The following CACNA1I variants were observed in gnomAD, a reference collection of about 807,000 sequenced individuals.
CACNA1I encodes the protein calcium voltage-gated channel subunit alpha1 I.
In CACNA1I, 74 loss-of-function variants were observed where a neutral mutation model predicts 201.6. That is an observed-to-expected ratio of 0.37 (90% CI 0.30 to 0.45). The LOEUF (loss-of-function observed/expected upper bound fraction) is 0.45, where lower values mean the gene tolerates loss of function less well. Ranked by LOEUF, CACNA1I falls within the 20% of genes least tolerant of loss-of-function variation. The probability of loss-of-function intolerance (pLI) is 1.00; values close to 1 mark genes in which losing one functional copy is unlikely to be tolerated. For missense variants in CACNA1I, 2,346 were observed against 3,138.1 expected (o/e 0.75, Z 6.03); for synonymous variants, 1,431 against 1,345.2 (o/e 1.06, Z -1.40).
chr22:39,663,389 G>T (rs1046127699), intron 18 of CACNA1I, among the ~76,000 whole-genome samples: 2 of 152,176 alleles, frequency 1.3e-5, no homozygotes, highest in Non-Finnish European at 2.9e-5. Context: ...TGGTGCAGGG[G>T]CAGGGAGCAG....
At chr22:39,587,801 A>G (rs1932773558) in intron 1 of CACNA1I, 1 of 428,282 alleles carries the variant, frequency 2.3e-6, no homozygotes, top group Non-Finnish European at 4.6e-6. Context: ...TTTGAGACAG[A>G]GTCTTGCTCT....
Position 39,646,947 on chromosome 22 carries a change from C to T in CACNA1I, c.1462+66C>T, listed in dbSNP as rs544519755. On this transcript the variant is annotated intron_variant, in intron 8 of 36. Transcript: ENST00000402142. ...TGCCAAGTGTCACTCCTTTCCAGCA[C>T]GTCCAGCAGGCCCAGCAGCCTCCAA... The T allele has an allele frequency of 1.4e-4, 201 of 1,441,544 alleles. 3 individuals carry two copies. In the South Asian group the frequency reaches 2.4e-3, roughly 17 times the overall value. The allele number at this position is 1,441,544 out of a possible 1,614,324, so 89.3% of individuals were successfully genotyped here. A position where few individuals can be genotyped will look rare whatever the true frequency, so the allele number is the denominator to read the frequency against.
Position 39,664,732 on chromosome 22 carries a change from G to T in CACNA1I, c.3667-7G>T, listed in dbSNP as rs762905379. 2.4e-6 allele frequency: 1 copy of T among 416,920 alleles called. No homozygotes were observed. The highest frequency in any genetic ancestry group is 3.4e-6 in the Non-Finnish European group (1 of 293,166). The allele number at this position is 416,920 out of a possible 1,614,324, so 25.8% of individuals were successfully genotyped here. ...GCAGCCTGACCCCGGCCCCACCCCC[G>T]CCCCAGGTAGTCTCGCTGGGCCTGT... On this transcript the variant is annotated splice_region_variant and splice_polypyrimidine_tract_variant and intron_variant, in intron 20 of 36. Coordinates refer to ENST00000402142, the MANE Select transcript of CACNA1I (RefSeq NM_021096.4).
At chr22:39,673,806 C>T (rs1015109456) in intron 28 of CACNA1I, among the ~76,000 whole-genome samples, 157 bp from the exon 29 acceptor site, 1 of 152,176 alleles carries the variant, frequency 6.6e-6, no homozygotes, top group African/African-American at 2.4e-5. Flanking sequence ...CCTGTGGCTG[C>T]ACCCACATTC....
intron 1 of CACNA1I, among the ~76,000 whole-genome samples, chr22:39,597,010 C>T (rs1932907909): frequency 6.6e-6 from 1 of 152,180 alleles, no homozygotes; most frequent in Non-Finnish European, 1.5e-5. Context: ...AACCTACTCC[C>T]GACTCCAGTC....
At chr22:39,642,007 G>A (rs1159658081) in intron 6 of CACNA1I, among the ~76,000 whole-genome samples, 2 of 152,174 alleles carry the variant, frequency 1.3e-5, no homozygotes, top group Non-Finnish European at 2.9e-5. Flanking sequence ...CAGAAAGAAG[G>A]GGCAGGAGCA....
At chr22:39,661,033 T>A (rs1934989017) in intron 15 of CACNA1I, 75 bp from the exon 16 acceptor site, 2 of 1,177,696 alleles carry the variant, frequency 1.7e-6, no homozygotes, top group Non-Finnish European at 1.2e-6. Context: ...TGTTTGTCTG[T>A]CTCGTGGCTC....
At chr22:39,588,243 C>T (rs1251172466) in intron 1 of CACNA1I, among the ~76,000 whole-genome samples, 1 of 150,696 alleles carries the variant, frequency 6.6e-6, no homozygotes, top group Non-Finnish European at 1.5e-5. Context: ...AGTGATCCTC[C>T]TGCCTCAGCC....
Position 39,619,368 on chromosome 22 carries a change from C to A in CACNA1I, c.541C>A (p.Arg181Ser). Reference sequence around the variant, plus strand: ...CAACCTGTCAGCCATCCGCACCGTGCGCGTCCTGAGGCCCCTCAAAGCCAT... The same window carrying A: ...CAACCTGTCAGCCATCCGCACCGTGAGCGTCCTGAGGCCCCTCAAAGCCAT... ...NINLSAIRTV[R>S]VLRPLKAINR... is the part of the protein sequence containing the mutation. The change falls in exon 4 of 37, where the codon CGC becomes AGC. Residue 181 changes from arginine to serine, a missense_variant. Arg to Ser is a moderately radical substitution (Grantham distance 110). This residue lies in a region of CACNA1I where 227 missense variants were observed against 412.5 expected (regional missense o/e 0.55). Coordinates refer to ENST00000402142, the MANE Select transcript of CACNA1I (RefSeq NM_021096.4). The A allele has an allele frequency of 1.2e-6, 2 of 1,609,584 alleles. No individual in the cohort carries two copies. The highest frequency in any genetic ancestry group is 8.5e-7 in the Non-Finnish European group (1 of 1,179,746).
In CACNA1I at chr22:39,662,224, G is replaced by T. The variant is rs1173030054; in HGVS notation, c.3161G>T (p.Arg1054Leu). 11 of 1,528,616 alleles carry T rather than the reference G, an allele frequency of 7.2e-6. No individual in the cohort carries two copies. The highest frequency in any genetic ancestry group is 9.6e-6 in the Non-Finnish European group (11 of 1,141,784). 94.7% of individuals were successfully genotyped at this position (1,528,616 alleles called of 1,614,324 possible). A position where few individuals can be genotyped will look rare whatever the true frequency, so the allele number is the denominator to read the frequency against. The change falls in exon 17 of 37, where the codon CGC becomes CTC. Residue 1054 changes from arginine to leucine, a missense_variant. Coordinates refer to ENST00000402142, the MANE Select transcript of CACNA1I (RefSeq NM_021096.4). ...CTGGCGCACCGCCACCGCCACCACCGCCGGACGCTGTCCCTCGACAACAGG... is the reference window on the plus strand; with the variant it reads ...CTGGCGCACCGCCACCGCCACCACCTCCGGACGCTGTCCCTCGACAACAGG... ...PHLAHRHRHH[R>L]RTLSLDNRDS...
intron 10 of CACNA1I, among the ~76,000 whole-genome samples, chr22:39,652,149 G>A (rs950596580): frequency 4.6e-5 from 7 of 151,926 alleles, no homozygotes; most frequent in Non-Finnish European, 8.8e-5. Context: ...TTCTCCAGGC[G>A]TGTGCCACCA....
chr22:39,571,435 C>T (rs1286845000), intron 1 of CACNA1I, among the ~76,000 whole-genome samples: 3 of 151,714 alleles, frequency 2.0e-5, no homozygotes, highest in Admixed American at 1.3e-4. Flanking sequence ...ACTGTGCCTC[C>T]GAGCAGCCTC....
intron 34 of CACNA1I, 77 bp downstream of exon 34, chr22:39,681,129 C>T: frequency 6.7e-7 from 1 of 1,487,566 alleles, no homozygotes; most frequent in Non-Finnish European, 9.0e-7. Context: ...GCAGGACCCC[C>T]CTGTCTTTCC....
rs1175689772 is a variant in CACNA1I at position 39,687,143 on chromosome 22, C to A, written c.*738C>A. On this transcript the variant is annotated 3_prime_UTR_variant, in exon 37 of 37. Transcript: ENST00000402142. Reference sequence around the variant, plus strand: ...GGGTGAGTAGCTGTGTTTCCTTAGGCCTGGGGTAGGGGATGGAGAGCAGCT... The same window carrying A: ...GGGTGAGTAGCTGTGTTTCCTTAGGACTGGGGTAGGGGATGGAGAGCAGCT... 1 of 152,136 alleles carries A rather than the reference C, an allele frequency of 6.6e-6. No individual in the cohort carries two copies. The highest frequency in any genetic ancestry group is 1.5e-5 in the Non-Finnish European group (1 of 68,052). The allele number at this position is 152,136 out of a possible 1,614,324, so 9.4% of individuals were successfully genotyped here.
Position 39,665,729 on chromosome 22 carries a change from C to G in CACNA1I, c.3978+105C>G. On this transcript the variant is annotated intron_variant, in intron 22 of 36. Coordinates refer to ENST00000402142, the MANE Select transcript of CACNA1I (RefSeq NM_021096.4). The surrounding 1 kb of genome is among the most constrained non-coding windows in gnomAD (Gnocchi z 5.5). ...CCACATTCCAACCTCATGCGCCTTG[C>G]CAGCTGTGGGCTTCTCCTCCAGGGA... The G allele has an allele frequency of 6.5e-7, 1 of 1,542,760 alleles. No individual in the cohort carries two copies. Among genetic ancestry groups the G allele is most frequent in the Non-Finnish European group, 8.9e-7 (1 of 1,129,780 alleles).
At chr22:39,577,460 T>C (rs1461261303) in intron 1 of CACNA1I, among the ~76,000 whole-genome samples, 1 of 152,258 alleles carries the variant, frequency 6.6e-6, no homozygotes, top group Non-Finnish European at 1.5e-5. Context: ...GGTCTCCTCA[T>C]GGCCCCTCGA....
chr22:39,619,353 G>T lies in CACNA1I; in HGVS notation c.526G>T (p.Ala176Ser). ...SLDLQNINLS[A>S]IRTVRVLRPL... is the part of the protein sequence containing the mutation. ...GGACCTTCAGAACATCAACCTGTCA[G>T]CCATCCGCACCGTGCGCGTCCTGAG... The change falls in exon 4 of 37, where the codon GCC (alanine) becomes TCC (serine). Residue 176 changes from alanine (A) to serine (S), a missense_variant. This residue lies in a region of CACNA1I where 227 missense variants were observed against 412.5 expected (regional missense o/e 0.55). Transcript: ENST00000402142. 1 of 1,610,048 alleles carries T rather than the reference G, an allele frequency of 6.2e-7. No homozygotes were observed.
intron 3 of CACNA1I, among the ~76,000 whole-genome samples, chr22:39,612,274 G>T (rs1490592653): frequency 6.6e-6 from 1 of 152,172 alleles, no homozygotes; most frequent in Admixed American, 6.5e-5. Context: ...GCTCCTTGAT[G>T]TTGGACTTCC....
At chr22:39,672,840 G>A in intron 27 of CACNA1I, 109 bp from the exon 28 acceptor site, 1 of 1,233,670 alleles carries the variant, frequency 8.1e-7, no homozygotes, top group South Asian at 1.6e-5. Context: ...CAGCCTAATG[G>A]GCCACAATAG....
Sources: allele counts gnomAD v4.1 joint callset (sites outside exome capture counted in the v4.1 genomes callset), GRCh38; gene constraint gnomAD v4.1.1; regional missense constraint gnomAD v4.1.1; non-coding constraint Gnocchi (gnomAD v3.1); transcripts MANE v1.5; gene names NCBI Gene and HGNC (gene_info 2026-07-23, HGNC 2026-07-21).